Variants in PLAUR observed in about 807,000 individuals in gnomAD.
PLAUR encodes the protein urokinase plasminogen activator surface receptor.
Under a neutral mutation model 33.4 loss-of-function variants are expected in PLAUR, and 22 were observed. The ratio of observed to expected loss-of-function variants is 0.66; its 90% CI spans 0.47 to 0.94. PLAUR has a LOEUF of 0.94. Among genes scored for constraint, PLAUR ranks in the 40% least tolerant of loss-of-function variants. PLAUR has a pLI of 0.00. For missense variants in PLAUR, 408 were observed against 434.7 expected, an observed-to-expected ratio of 0.94 and a Z score of 0.55; for synonymous variants, 148 against 167.3, an observed-to-expected ratio of 0.88 and a Z score of 0.89.
At chr19:43,658,971 A>AGC (rs1485423733) in intron 3 of PLAUR, among the ~76,000 whole-genome samples, 2 of 151,732 alleles carry the variant, frequency 1.3e-5, no homozygotes, top group African/African-American at 2.4e-5. Flanking sequence ...TTCAGCTGTC[A>AGC]TCTTCAATTT....
chr19:43,646,911 G>C (rs1600107777), downstream of PLAUR, among the ~76,000 whole-genome samples: 1 of 150,500 alleles, frequency 6.6e-6, no homozygotes, highest in Non-Finnish European at 1.5e-5. Flanking sequence ...CTTCCGAGTA[G>C]CTGGAGTTAC....
intron 3 of PLAUR, among the ~76,000 whole-genome samples, chr19:43,664,154 G>A (rs1301738618): frequency 1.3e-5 from 2 of 151,488 alleles, no homozygotes; most frequent in South Asian, 2.1e-4. Flanking sequence ...ACATCCTCTC[G>A]TCACTTCCTC....
At chr19:43,657,373 A>G (rs918469931) in intron 3 of PLAUR, among the ~76,000 whole-genome samples, 2 of 152,070 alleles carry the variant, frequency 1.3e-5, no homozygotes, top group African/African-American at 4.8e-5. Context: ...CCTATCAAAT[A>G]CTGGGGCCTG....
At chr19:43,661,156 T>C (rs1405003837) in intron 3 of PLAUR, 3 of 152,234 alleles carry the variant, frequency 2.0e-5, no homozygotes, top group African/African-American at 7.2e-5. Flanking sequence ...AACTCCCTTT[T>C]CTGTGGTCCC....
rs184888476 is a variant in PLAUR at position 43,663,641 on chromosome 19, C to T, written c.310+1675G>A. On this transcript the variant is annotated intron_variant, in intron 3 of 6. Coordinates refer to ENST00000340093, the MANE Select transcript of PLAUR (RefSeq NM_002659.4). Reference sequence around the variant, plus strand: ...TACTAAAAATACAAAATTAGCTGGGCGTGGTGGCGCATGCCTGTAATCCCA... The same window carrying T: ...TACTAAAAATACAAAATTAGCTGGGTGTGGTGGCGCATGCCTGTAATCCCA... Among the ~76,000 whole-genome samples, 15 of 151,858 alleles carry T rather than the reference C, an allele frequency of 9.9e-5. No individual in the cohort carries two copies. In the East Asian group the frequency reaches 2.7e-3, roughly 28 times the overall value.
rs570572398 is a variant in PLAUR at position 43,658,832 on chromosome 19, G to T, written c.311-2192C>A. ...CCCCCTCAAAGAAAAATAACTACAA[G>T]GCCACCCACGTCTTCTCACACAAAC... On this transcript the variant is annotated intron_variant, in intron 3 of 6. Transcript: ENST00000340093. Among the ~76,000 whole-genome samples the T allele has an allele frequency of 3.3e-5, 5 of 152,212 alleles. No homozygotes were observed. The South Asian group carries it at 1.0e-3, about 32-fold the overall frequency.
rs1267512478 is a variant in PLAUR, at chr19:43,656,585, T to C, written c.366A>G (p.Ser122=). The change falls in exon 4 of 7, where the codon TCA becomes TCG. Residue 122 remains serine (S), a synonymous_variant. Coordinates refer to ENST00000340093, the MANE Select transcript of PLAUR (RefSeq NM_002659.4). ...GGCCCCTCTCACAGCTCATGTCTGA[T>C]GAGCCACAGGAAATGCATTCGAGGT... ...SRYLECISCG[S]SDMSCERGRH... is the part of the protein sequence containing the mutation. The C allele has an allele frequency of 1.2e-6, 2 of 1,612,590 alleles. No individual in the cohort carries two copies. The highest frequency in any genetic ancestry group is 2.7e-5 in the African/African-American group (2 of 74,840).
intron 5 of PLAUR, among the ~76,000 whole-genome samples, chr19:43,653,398 G>C (rs1974076606): frequency 6.6e-6 from 1 of 152,214 alleles, no homozygotes; most frequent in Non-Finnish European, 1.5e-5. Flanking sequence ...AGGCCTAATG[G>C]ATGAGAAGTT....
At chr19:43,665,209 T>C (rs574468856) in intron 3 of PLAUR, 107 bp downstream of exon 3, 1 of 1,161,426 alleles carries the variant, frequency 8.6e-7, no homozygotes, top group African/African-American at 1.5e-5. Flanking sequence ...GGATAAGGCA[T>C]GGAGTTGGGG....
chr19:43,656,713 C>T, intron 3 of PLAUR, 73 bp from the exon 4 acceptor site: 1 of 1,295,384 alleles, frequency 7.7e-7, no homozygotes, highest in Non-Finnish European at 1.1e-6. Flanking sequence ...CAAGGACTCA[C>T]TCAAAATCAA....
chr19:43,656,958 T>C (rs1195848060), intron 3 of PLAUR, among the ~76,000 whole-genome samples: 20 of 144,584 alleles, frequency 1.4e-4, no homozygotes, highest in East Asian at 5.9e-4. Flanking sequence ...TTTTTTTTTT[T>C]CCCGAGACAG....
intron 3 of PLAUR, 34 bp downstream of exon 3, chr19:43,665,282 T>TG: frequency 6.2e-7 from 1 of 1,609,406 alleles, no homozygotes; most frequent in Non-Finnish European, 8.5e-7. Flanking sequence ...GGGGATGGCT[T>TG]GGGGTTGGGG....
rs570381935 is a variant in PLAUR at position 43,669,979 on chromosome 19, G to T, written c.55+87C>A. 28 of 1,255,784 alleles carry T rather than the reference G, an allele frequency of 2.2e-5. No individual in the cohort carries two copies. In the Admixed American group the frequency reaches 2.9e-4, roughly 13 times the overall value. The allele number at this position is 1,255,784 out of a possible 1,614,324, so 77.8% of individuals were successfully genotyped here. A position where few individuals can be genotyped will look rare whatever the true frequency, so the allele number is the denominator to read the frequency against. On this transcript the variant is annotated intron_variant, in intron 1 of 6. Coordinates refer to ENST00000340093, the MANE Select transcript of PLAUR (RefSeq NM_002659.4). ...TAGGGAGGATGCTGAGGACTGAACC[G>T]CATTCCTCCAACTCATCCTCTGACA...
intron 2 of PLAUR, 56 bp from the exon 3 acceptor site, chr19:43,665,515 T>G: frequency 6.3e-7 from 1 of 1,584,816 alleles, no homozygotes; most frequent in South Asian, 1.1e-5. Flanking sequence ...AACCAGCCTC[T>G]GACACTCCTG....
At chr19:43,651,872 C>A (rs571650829) in intron 6 of PLAUR, 7 of 1,037,922 alleles carry the variant, frequency 6.7e-6, no homozygotes, top group Non-Finnish European at 8.1e-6. Flanking sequence ...ACGAGAAATC[C>A]ACCAAAGAAT....
intron 5 of PLAUR, among the ~76,000 whole-genome samples, chr19:43,654,069 A>G (rs973293172): frequency 2.0e-5 from 3 of 151,672 alleles, no homozygotes; most frequent in African/African-American, 7.3e-5. Flanking sequence ...GCTTGCAGTG[A>G]GCCAAGATCG....
chr19:43,651,808 C>T, intron 6 of PLAUR: 1 of 1,002,104 alleles, frequency 1.0e-6, no homozygotes, highest in Non-Finnish European at 1.2e-6. Context: ...AGAGACCTTT[C>T]CAGGACACCA....
At position 43,650,018 on chromosome 19, in the gene PLAUR, G is replaced by GT. The variant is rs60220696; in HGVS notation, c.755-876dup. ...AGTTTTCTCATTACGCTTTTTTTTT[G>GT]TTTTTTTTTTTGAGATGGAGTCTCA... On this transcript the variant is annotated intron_variant, in intron 6 of 6. Coordinates refer to ENST00000340093, the MANE Select transcript of PLAUR (RefSeq NM_002659.4). Among the ~76,000 whole-genome samples, 125 of 138,860 alleles carry GT rather than the reference G, an allele frequency of 9.0e-4. 2 individuals are homozygous for GT. Among genetic ancestry groups the GT allele is most frequent in the South Asian group, 3.4e-3 (15 of 4,368 alleles). 91.1% of individuals were successfully genotyped at this position (138,860 alleles called of 152,430 possible). A position where few individuals can be genotyped will look rare whatever the true frequency, so the allele number is the denominator to read the frequency against.
chr19:43,657,866 A>G (rs1054605678), intron 3 of PLAUR, among the ~76,000 whole-genome samples: 3 of 152,156 alleles, frequency 2.0e-5, no homozygotes, highest in African/African-American at 7.2e-5. Context: ...CTGTCTCCAA[A>G]ATGGCCCCCA....
Sources: gnomAD v4.1 joint callset for allele counts (sites outside exome capture counted in the v4.1 genomes callset) on GRCh38, gnomAD v4.1.1 for gene constraint, MANE v1.5 for transcripts, NCBI Gene and HGNC (gene_info 2026-07-23, HGNC 2026-07-21) for gene names.